SETBP1: variants seen among roughly 807,000 people sequenced by gnomAD.
SETBP1 encodes the protein SET-binding protein.
SETBP1 carries 9 observed loss-of-function variants against 101.0 expected under a neutral mutation model. The ratio of observed to expected loss-of-function variants is 0.09; its 90% CI spans 0.05 to 0.16. The LOEUF is 0.16. Among genes scored for constraint, SETBP1 ranks in the 10% least tolerant of loss-of-function variants. The pLI is 1.00. For synonymous variants in SETBP1, 818 were observed against 788.5 expected (o/e 1.04, Z -0.63); for missense variants, 1,858 against 2,033.8 (o/e 0.91, Z 1.66).
At chr18:44,690,181 T>C (rs2068905892) in intron 1 of SETBP1, among the ~76,000 whole-genome samples, 1 of 152,248 alleles carries the variant, frequency 6.6e-6, no homozygotes, top group Non-Finnish European at 1.5e-5. Flanking sequence ...TCCAAGTGTT[T>C]AATGTATAAT....
At chr18:44,776,696 A>C (rs2071011591) in intron 2 of SETBP1, among the ~76,000 whole-genome samples, 1 of 152,236 alleles carries the variant, frequency 6.6e-6, no homozygotes, top group Non-Finnish European at 1.5e-5. Flanking sequence ...AATAGTAAAG[A>C]AATATAAAAC....
intron 2 of SETBP1, among the ~76,000 whole-genome samples, chr18:44,717,758 A>G (rs774995730): frequency 6.6e-6 from 1 of 152,220 alleles, no homozygotes; most frequent in African/African-American, 2.4e-5. Flanking sequence ...GACCCAGAGC[A>G]CTGAAGGACC....
chr18:44,799,608 T>A (rs997758675), intron 2 of SETBP1, among the ~76,000 whole-genome samples: 6 of 152,134 alleles, frequency 3.9e-5, no homozygotes, highest in Non-Finnish European at 7.3e-5. Flanking sequence ...AGATGAACCA[T>A]GATCACACTA....
intron 2 of SETBP1, among the ~76,000 whole-genome samples, chr18:44,776,680 C>CA (rs1213365419): frequency 2.0e-5 from 3 of 152,008 alleles, no homozygotes; most frequent in Non-Finnish European, 4.4e-5. Context: ...CTTTTAGCCA[C>CA]AAAAAAATAG....
intron 4 of SETBP1, 103 bp downstream of exon 4, chr18:44,953,443 A>C (rs971645580): frequency 1.9e-6 from 2 of 1,042,064 alleles, no homozygotes; most frequent in African/African-American, 3.1e-5. Flanking sequence ...GTTTGCAAAG[A>C]GGTGGGAATC....
intron 2 of SETBP1, among the ~76,000 whole-genome samples, chr18:44,735,528 A>G (rs1447149724): frequency 6.6e-6 from 1 of 152,206 alleles, no homozygotes; most frequent in Non-Finnish European, 1.5e-5. Context: ...CAGACATGAT[A>G]GTAACAAACA....
At chr18:44,853,511 A>G (rs1256336069) in intron 2 of SETBP1, among the ~76,000 whole-genome samples, 1 of 152,170 alleles carries the variant, frequency 6.6e-6, no homozygotes. Context: ...TGAGGTAGCT[A>G]ATGTTATCCA....
At chr18:44,706,631 A>G (rs951637439) in intron 2 of SETBP1, among the ~76,000 whole-genome samples, 6 of 133,082 alleles carry the variant, frequency 4.5e-5, no homozygotes, top group African/African-American at 1.7e-4. Context: ...AAAAAATTCC[A>G]GTAGTGACAG....
chr18:44,766,735 G>C (rs2070770100), intron 2 of SETBP1, among the ~76,000 whole-genome samples: 1 of 152,132 alleles, frequency 6.6e-6, no homozygotes, highest in Non-Finnish European at 1.5e-5. Context: ...CTACTTATGA[G>C]GCTGAGGCAG....
chr18:44,911,249 A>G (rs1048656667), intron 3 of SETBP1, among the ~76,000 whole-genome samples: 1 of 152,158 alleles, frequency 6.6e-6, no homozygotes, highest in African/African-American at 2.4e-5. Flanking sequence ...AAATACTACT[A>G]GCTCCATAAG....
chr18:45,012,156 C>T (rs1462080732), intron 4 of SETBP1, among the ~76,000 whole-genome samples: 1 of 152,034 alleles, frequency 6.6e-6, no homozygotes, highest in Non-Finnish European at 1.5e-5. Context: ...ATGGAATGAC[C>T]GTCATGAAGG....
chr18:44,695,511 T>A (rs966430292), intron 1 of SETBP1, among the ~76,000 whole-genome samples: 4 of 152,356 alleles, frequency 2.6e-5, no homozygotes, highest in Non-Finnish European at 4.4e-5. Flanking sequence ...CTGAAAGACA[T>A]GCTACAAAAT....
At chr18:44,999,847 G>A (rs762997801) in intron 4 of SETBP1, among the ~76,000 whole-genome samples, 4 of 152,196 alleles carry the variant, frequency 2.6e-5, no homozygotes, top group Admixed American at 6.5e-5. Context: ...TAAGATAATA[G>A]TTATGCCCTG....
intron 5 of SETBP1, among the ~76,000 whole-genome samples, chr18:45,059,139 G>A (rs1452127235): frequency 6.6e-6 from 1 of 152,118 alleles, no homozygotes; most frequent in Non-Finnish European, 1.5e-5. Flanking sequence ...TAAACCTCAT[G>A]TACCCATCAA....
chr18:44,994,958 C>G (rs1408733110), intron 4 of SETBP1, among the ~76,000 whole-genome samples: 1 of 152,038 alleles, frequency 6.6e-6, no homozygotes, highest in African/African-American at 2.4e-5. Context: ...AAGATACTCC[C>G]AAGCCTTTTG....
chr18:45,053,169 T>A (rs540629800), intron 5 of SETBP1, among the ~76,000 whole-genome samples: 9 of 152,314 alleles, frequency 5.9e-5, no homozygotes, highest in South Asian at 4.1e-4. Context: ...TAGCTTTTTT[T>A]AATATAAATG....
At chr18:44,840,699 G>A (rs1170285511) in intron 2 of SETBP1, among the ~76,000 whole-genome samples, 1 of 152,196 alleles carries the variant, frequency 6.6e-6, no homozygotes, top group Non-Finnish European at 1.5e-5. Flanking sequence ...CCCAGTTCCT[G>A]AAACTGCCAA....
chr18:44,978,980 G>A lies in SETBP1; in HGVS notation c.4000+25640G>A, dbSNP rs2072052261. Among the ~76,000 whole-genome samples, 3 of 152,182 alleles carry A rather than the reference G, an allele frequency of 2.0e-5. 1 individual carries two copies. In the South Asian group the frequency reaches 6.2e-4, roughly 32 times the overall value. On this transcript the variant is annotated intron_variant, in intron 4 of 5. Transcript: ENST00000649279. ...GTCTAAAATCATGTGTCTCACAAGG[G>A]GCTGACCCAGAATTCGAACTCAAAT...
rs116683695 is a variant in SETBP1 at position 44,990,563 on chromosome 18, G to A, written c.4000+37223G>A. Among the ~76,000 whole-genome samples the A allele has an allele frequency of 8.2e-3, 1,242 of 151,958 alleles. 15 individuals carry two copies. The highest frequency in any genetic ancestry group is 0.028 in the African/African-American group (1,173 of 41,444). On this transcript the variant is annotated intron_variant, in intron 4 of 5. Coordinates refer to ENST00000649279, the MANE Select transcript of SETBP1 (RefSeq NM_015559.3). ...GTTATAATCATGTCACTGCACTCCT[G>A]CCTGGGCAACAGAGAAAGACCTTGT...
Sources: gnomAD v4.1 joint callset for allele counts (sites outside exome capture counted in the v4.1 genomes callset) on GRCh38, gnomAD v4.1.1 for gene constraint, MANE v1.5 for transcripts, NCBI Gene and HGNC (gene_info 2026-07-23, HGNC 2026-07-21) for gene names.